The following NXPE2 variants were observed in gnomAD, a reference collection of about 807,000 sequenced individuals.
NXPE2 encodes the protein NXPE family member 2.
NXPE2 carries 34 observed loss-of-function variants against 34.4 expected under a neutral mutation model. The observed-to-expected ratio is 0.99, with a 90% CI of 0.75 to 1.31. NXPE2 has a LOEUF of 1.31. NXPE2 is among the 40% of genes most tolerant of loss of function. NXPE2 has a pLI of 0.00. For synonymous variants in NXPE2, 235 were observed against 231.3 expected (o/e 1.02, Z -0.15); for missense variants, 649 against 672.5 (o/e 0.97, Z 0.39).
chr11:114,669,001 G>A, the NXPE2 span, among the ~76,000 whole-genome samples: 18 of 152,028 alleles, frequency 1.2e-4, no homozygotes, highest in Non-Finnish European at 2.5e-4. Flanking sequence ...TCTATAGAGT[G>A]GTAGCCATGA....
the NXPE2 span, among the ~76,000 whole-genome samples, chr11:114,520,416 T>C: frequency 6.6e-6 from 1 of 152,240 alleles, no homozygotes. Context: ...GTCCTCCAGG[T>C]TCACCCATGT....
chr11:114,797,925 C>T, the NXPE2 span, among the ~76,000 whole-genome samples: 38 of 152,254 alleles, frequency 2.5e-4, no homozygotes, highest in Non-Finnish European at 3.5e-4. Flanking sequence ...GGCCAAGGCT[C>T]GGATCTCCTC....
At chr11:114,589,967 C>T in the NXPE2 span, among the ~76,000 whole-genome samples, 3 of 152,218 alleles carry the variant, frequency 2.0e-5, no homozygotes, top group Non-Finnish European at 4.4e-5. Context: ...AAATGGTTTA[C>T]AGTCTTAGAT....
the NXPE2 span, among the ~76,000 whole-genome samples, chr11:114,568,168 A>G: frequency 6.6e-6 from 1 of 152,176 alleles, no homozygotes; most frequent in South Asian, 2.1e-4. Flanking sequence ...TAGAGTTCAC[A>G]TATTACAAAC....
chr11:114,546,895 A>G, the NXPE2 span, among the ~76,000 whole-genome samples: 1 of 152,224 alleles, frequency 6.6e-6, no homozygotes, highest in East Asian at 1.9e-4. Flanking sequence ...TTGAGTAACA[A>G]AATAATGTAC....
chr11:114,621,075 C>T, the NXPE2 span, among the ~76,000 whole-genome samples: 12 of 151,610 alleles, frequency 7.9e-5, no homozygotes, highest in Admixed American at 2.0e-4. Context: ...ACTATTACCC[C>T]GTGGATAATA....
At chr11:114,600,729 A>G in the NXPE2 span, among the ~76,000 whole-genome samples, 2 of 152,056 alleles carry the variant, frequency 1.3e-5, no homozygotes, top group Non-Finnish European at 2.9e-5. Context: ...AAAGTCTGTA[A>G]TTTCACTGAT....
At chr11:114,505,769 C>A in the NXPE2 span, among the ~76,000 whole-genome samples, 4 of 152,098 alleles carry the variant, frequency 2.6e-5, no homozygotes, top group Non-Finnish European at 5.9e-5. Context: ...CTAAAAAACA[C>A]ACTGAAGTAC....
At chr11:114,652,731 A>G in the NXPE2 span, among the ~76,000 whole-genome samples, 1 of 147,930 alleles carries the variant, frequency 6.8e-6, no homozygotes. Flanking sequence ...ATGAAGAGTG[A>G]TAGAGCACAG....
chr11:114,800,905 G>C, the NXPE2 span, among the ~76,000 whole-genome samples: 1 of 152,174 alleles, frequency 6.6e-6, no homozygotes, highest in Non-Finnish European at 1.5e-5. Flanking sequence ...TGTTGCTACT[G>C]TTACAGCATT....
chr11:114,618,268 GATA>G, the NXPE2 span, among the ~76,000 whole-genome samples: 2 of 151,966 alleles, frequency 1.3e-5, no homozygotes, highest in South Asian at 2.1e-4. Flanking sequence ...CTACCCACTG[GATA>G]ATAAGTATTA....
At chr11:114,668,980 C>T in the NXPE2 span, among the ~76,000 whole-genome samples, 1 of 152,056 alleles carries the variant, frequency 6.6e-6, no homozygotes, top group East Asian at 1.9e-4. Flanking sequence ...TGCTCCCATT[C>T]CACTCCCAGC....
chr11:114,576,812 T>C, the NXPE2 span, among the ~76,000 whole-genome samples: 5 of 151,734 alleles, frequency 3.3e-5, no homozygotes, highest in African/African-American at 4.8e-5. Flanking sequence ...AGATCTACCA[T>C]TTGATCCAGC....
chr11:114,720,698 T>G, the NXPE2 span, among the ~76,000 whole-genome samples: 1 of 152,254 alleles, frequency 6.6e-6, no homozygotes, highest in Non-Finnish European at 1.5e-5. Context: ...TGATTATAGG[T>G]TGAATATATT....
intron 2 of NXPE2, among the ~76,000 whole-genome samples, chr11:114,682,466 A>G (rs538072938): frequency 4.6e-5 from 7 of 152,124 alleles, no homozygotes; most frequent in Non-Finnish European, 8.8e-5. Flanking sequence ...TTTGATTGGC[A>G]TCTTCTACCA....
At chr11:114,471,215 G>A in the NXPE2 span, among the ~76,000 whole-genome samples, 3 of 152,148 alleles carry the variant, frequency 2.0e-5, no homozygotes, top group Non-Finnish European at 4.4e-5. Context: ...CCCAGCCAAA[G>A]GCATAAAAAT....
At chr11:114,546,881 C>A in the NXPE2 span, among the ~76,000 whole-genome samples, 2 of 152,078 alleles carry the variant, frequency 1.3e-5, no homozygotes, top group Non-Finnish European at 2.9e-5. Flanking sequence ...CAAAGTAGAA[C>A]AATTTGAGTA....
the NXPE2 span, among the ~76,000 whole-genome samples, chr11:114,625,921 A>T: frequency 6.6e-6 from 1 of 152,302 alleles, no homozygotes; most frequent in South Asian, 2.1e-4. Context: ...GACAGACGGC[A>T]CCTGGAAAAT....
the NXPE2 span, among the ~76,000 whole-genome samples, chr11:114,714,883 G>A: frequency 8.5e-5 from 13 of 152,138 alleles, no homozygotes; most frequent in African/African-American, 2.2e-4. Context: ...TTAGCCGGGC[G>A]TGGTGGCACA....
Sources: gnomAD v4.1 joint callset for allele counts (sites outside exome capture counted in the v4.1 genomes callset) on GRCh38, gnomAD v4.1.1 for gene constraint, MANE v1.5 for transcripts, NCBI Gene and HGNC (gene_info 2026-07-23, HGNC 2026-07-21) for gene names.